ZNF844: variants seen among roughly 807,000 people sequenced by gnomAD.
ZNF844 encodes zinc finger protein 844.
ZNF844 carries 11 observed loss-of-function variants against 11.4 expected under a neutral mutation model. That is an observed-to-expected ratio of 0.97 (90% CI 0.61 to 1.60). The LOEUF (loss-of-function observed/expected upper bound fraction) is 1.60, where lower values mean the gene tolerates loss of function less well. Ranked by LOEUF, ZNF844 falls within the 40% of genes most tolerant of loss-of-function variation. ZNF844 has a pLI of 0.00. For synonymous variants in ZNF844, 248 were observed against 260.3 expected, an observed-to-expected ratio of 0.95 and a Z score of 0.46; for missense variants, 790 against 796.8, an observed-to-expected ratio of 0.99 and a Z score of 0.10.
rs932008069 is a variant in ZNF844 at position 12,075,540 on chromosome 19, A to T, written c.420A>T (p.Pro140=). 6.2e-7 allele frequency: 1 copy of T among 1,614,108 alleles called. No homozygotes were observed. The highest frequency in any genetic ancestry group is 8.5e-7 in the Non-Finnish European group (1 of 1,180,008). Residue 140 remains proline (P), a synonymous_variant, in exon 4 of 4, where the codon CCA becomes CCT. Transcript: ENST00000439326. ...PSEYQEYGQE[P]YKCQQRKKAF... Reference sequence around the variant, plus strand: ...AGTATCAGGAATATGGACAGGAGCCATATAAGTGTCAACAACGTAAGAAAG... The same window carrying T: ...AGTATCAGGAATATGGACAGGAGCCTTATAAGTGTCAACAACGTAAGAAAG...
chr19:12,072,670 G>A lies in ZNF844; in HGVS notation c.4-1361G>A, dbSNP rs562754918. Among the ~76,000 whole-genome samples, 8 of 151,830 alleles carry A rather than the reference G, an allele frequency of 5.3e-5. No homozygotes were observed. The South Asian group carries it at 8.3e-4, about 16-fold the overall frequency. On this transcript the variant is annotated intron_variant, in intron 1 of 3. Transcript: ENST00000439326. ...GCGATCTACGCTCACTGCAACCTCC[G>A]CCTCCCAGCTTCAAGCAATTCTCTG...
chr19:12,070,421 G>A (rs1975743103), intron 1 of ZNF844: 2 of 152,216 alleles, frequency 1.3e-5, no homozygotes. Flanking sequence ...CATTACTGCA[G>A]GAGGTGAACT....
rs556385379 is a variant in ZNF844 at position 12,073,982 on chromosome 19, A to C, written c.4-49A>C. On this transcript the variant is annotated intron_variant, in intron 1 of 3. Coordinates refer to ENST00000439326, the MANE Select transcript of ZNF844 (RefSeq NM_001136501.3). ...TCTTAGGAAGAGGGTATAGACCCCC[A>C]GTGCTGTCAGTCTCACCCATCCTCC... The C allele has an allele frequency of 5.7e-6, 9 of 1,586,180 alleles. No homozygotes were observed. The South Asian group carries it at 1.0e-4, about 18-fold the overall frequency.
In ZNF844 at chr19:12,074,171, T is replaced by C; in HGVS notation, c.130+14T>C. The C allele has an allele frequency of 6.2e-7, 1 of 1,612,874 alleles. No homozygotes were observed. Among genetic ancestry groups the C allele is most frequent in the Non-Finnish European group, 8.5e-7 (1 of 1,179,488 alleles). On this transcript the variant is annotated intron_variant, in intron 2 of 3. Transcript: ENST00000439326. Reference sequence around the variant, plus strand: ...TGGCCTCCATAGGTAAGAATGACAGTATTACGTCCCCCAGTGAATGAGACA... The same window carrying C: ...TGGCCTCCATAGGTAAGAATGACAGCATTACGTCCCCCAGTGAATGAGACA...
intron 1 of ZNF844, among the ~76,000 whole-genome samples, chr19:12,073,317 G>T (rs958910455): frequency 6.6e-6 from 1 of 151,910 alleles, no homozygotes; most frequent in South Asian, 2.1e-4. Flanking sequence ...ACACCACCAC[G>T]CCCAGCTAAT....
At chr19:12,071,941 G>A (rs1975757846) in intron 1 of ZNF844, among the ~76,000 whole-genome samples, 1 of 149,252 alleles carries the variant, frequency 6.7e-6, no homozygotes, top group African/African-American at 2.5e-5. Flanking sequence ...AGCCTGGAGT[G>A]CAGTGGCATG....
At chr19:12,070,198 T>A (rs1975740500) in intron 1 of ZNF844, 1 of 150,710 alleles carries the variant, frequency 6.6e-6, no homozygotes, top group African/African-American at 2.4e-5. Flanking sequence ...ACATCTATTC[T>A]CTGTAGCTAA....
At position 12,076,113 on chromosome 19, in the gene ZNF844, C is replaced by G. The variant is rs1228890047; in HGVS notation, c.993C>G (p.His331Gln). 1 of 1,568,944 alleles carries G rather than the reference C, an allele frequency of 6.4e-7. No individual in the cohort carries two copies. The highest frequency in any genetic ancestry group is 8.7e-7 in the Non-Finnish European group (1 of 1,155,974). Residue 331 changes from histidine to glutamine, a missense_variant, in exon 4 of 4, where the codon CAC becomes CAG. His to Gln is a conservative substitution (Grantham distance 24, BLOSUM62 0). Around this residue, in one of 3 missense-constraint regions of ZNF844, gnomAD observed 657 missense variants for 636.2 expected, o/e 1.03. Transcript: ENST00000439326. ...ATCTTTGTAGACATGAAGTGACCCA[C>G]TCTGGGAAAAAGCCCTGTGAATGTA... ...PSYLCRHEVT[H>Q]SGKKPCECKQ... is the part of the protein sequence containing the mutation.
In ZNF844 at chr19:12,076,643, A is replaced by T. The variant is rs751784757; in HGVS notation, c.1523A>T (p.Asn508Ile). ...TLERNPMSVSNVGKPSHLPHT... is the reference protein window; with the variant it reads ...TLERNPMSVSIVGKPSHLPHT... ...GAGAGAAACCCTATGAGTGTAAGCAATGTGGGAAAGCCTTCACATCTGCCT... is the reference window on the plus strand; with the variant it reads ...GAGAGAAACCCTATGAGTGTAAGCATTGTGGGAAAGCCTTCACATCTGCCT... Residue 508 changes from asparagine (N) to isoleucine (I), a missense_variant, in exon 4 of 4, where the codon AAT (asparagine) becomes ATT (isoleucine). Physicochemically the swap from Asn to Ile is moderately radical, Grantham distance 149. Coordinates refer to ENST00000439326, the MANE Select transcript of ZNF844 (RefSeq NM_001136501.3). 4.3e-6 allele frequency: 7 copies of T among 1,613,304 alleles called. No homozygotes were observed. The highest frequency in any genetic ancestry group is 1.3e-5 in the African/African-American group (1 of 74,690).
At chr19:12,069,952 T>TC (rs1555718018) in intron 1 of ZNF844, among the ~76,000 whole-genome samples, 1 of 89,280 alleles carries the variant, frequency 1.1e-5, no homozygotes. Context: ...AGACTCCGTC[T>TC]CAAAAAAAAA....
intron 1 of ZNF844, among the ~76,000 whole-genome samples, chr19:12,068,428 C>T (rs1233865506): frequency 1.3e-5 from 2 of 152,108 alleles, no homozygotes. Context: ...GAGTTCGAGA[C>T]CAGCCTGACC....
At chr19:12,066,451 C>A in intron 1 of ZNF844, among the ~76,000 whole-genome samples, 1 of 150,820 alleles carries the variant, frequency 6.6e-6, no homozygotes, top group African/African-American at 2.4e-5. Context: ...CCCGCCCCGA[C>A]TCATGGTTTT....
Position 12,080,790 on chromosome 19 carries a change from G to C in ZNF844, c.*3669G>C, listed in dbSNP as rs1177816660. On this transcript the variant is annotated 3_prime_UTR_variant, in exon 4 of 4. Coordinates refer to ENST00000439326, the MANE Select transcript of ZNF844 (RefSeq NM_001136501.3). ...TTTTTTTGAGACAAGGTCTCTCTCT[G>C]TCACCCAGGCTGGAGTAGAGTGGCA... 3 of 152,314 alleles carry C rather than the reference G, an allele frequency of 2.0e-5. No individual in the cohort carries two copies. Among genetic ancestry groups the C allele is most frequent in the Non-Finnish European group, 4.4e-5 (3 of 68,222 alleles). The allele number at this position is 152,314 out of a possible 1,614,324, so 9.4% of individuals were successfully genotyped here.
chr19:12,067,223 G>T (rs920653231), intron 1 of ZNF844, among the ~76,000 whole-genome samples: 2 of 151,518 alleles, frequency 1.3e-5, no homozygotes, highest in Admixed American at 6.6e-5. Context: ...ATAATAATGA[G>T]ATTTCCCTGG....
chr19:12,064,770 T>A lies in ZNF844; in HGVS notation c.-104T>A. ...CCCGCCGGGTGAGGTTGGCACCCCG[T>A]TTTTCCTGCTCTGAGAGGGACCGGT... On this transcript the variant is annotated 5_prime_UTR_variant, in exon 1 of 4. Coordinates refer to ENST00000439326, the MANE Select transcript of ZNF844 (RefSeq NM_001136501.3). 2.2e-6 allele frequency: 3 copies of A among 1,340,076 alleles called. No individual in the cohort carries two copies. The South Asian group carries it at 4.1e-5, about 18-fold the overall frequency. 83.0% of individuals were successfully genotyped at this position (1,340,076 alleles called of 1,614,324 possible). A position where few individuals can be genotyped will look rare whatever the true frequency, so the allele number is the denominator to read the frequency against.
Position 12,076,720 on chromosome 19 carries a change from C to T in ZNF844, c.1600C>T (p.Leu534=), listed in dbSNP as rs752872230. Residue 534 remains leucine, a synonymous_variant, in exon 4 of 4, where the codon CTA becomes TTA. Transcript: ENST00000439326. ...GLTLESNCMN[L]NNVKKPLDLS... The stretch of plus-strand genomic sequence containing the variant: ...CACACTGGAAAGCAACTGTATGAAT[C>T]TAAACAATGTGAAAAAACCTTTGGA... 8 of 1,611,968 alleles carry T rather than the reference C, an allele frequency of 5.0e-6. No individual in the cohort carries two copies. The South Asian group carries it at 7.7e-5, about 16-fold the overall frequency.
In ZNF844 at chr19:12,077,348, C is replaced by A; in HGVS notation, c.*227C>A. ...TTATTTCTTTCAGTTCCATTCAGTA[C>A]CATGAAAGGACTCACACTGGAGAGA... On this transcript the variant is annotated 3_prime_UTR_variant, in exon 4 of 4. Coordinates refer to ENST00000439326, the MANE Select transcript of ZNF844 (RefSeq NM_001136501.3). The A allele has an allele frequency of 1.3e-6, 1 of 799,634 alleles. No individual in the cohort carries two copies. The highest frequency in any genetic ancestry group is 2.1e-6 in the Non-Finnish European group (1 of 465,574). The allele number at this position is 799,634 out of a possible 1,614,324, so 49.5% of individuals were successfully genotyped here.
rs372329651 is a variant in ZNF844, at chr19:12,074,347, A to T, written c.131-14A>T. 1.3e-6 allele frequency: 2 copies of T among 1,519,112 alleles called. No individual in the cohort carries two copies. Among genetic ancestry groups the T allele is most frequent in the African/African-American group, 1.4e-5 (1 of 71,184 alleles). The allele number at this position is 1,519,112 out of a possible 1,614,324, so 94.1% of individuals were successfully genotyped here. A position where few individuals can be genotyped will look rare whatever the true frequency, so the allele number is the denominator to read the frequency against. ...ATTTTAATTCAGGATTCTTTTTCTG[A>T]TTCTGTATTTTAGGAGAAAAATGGA... On this transcript the variant is annotated splice_polypyrimidine_tract_variant and intron_variant, in intron 2 of 3. Coordinates refer to ENST00000439326, the MANE Select transcript of ZNF844 (RefSeq NM_001136501.3).
At chr19:12,069,179 C>CT (rs748342323) in intron 1 of ZNF844, among the ~76,000 whole-genome samples, 14,487 of 120,570 alleles carry the variant, frequency 0.12, 1,934 homozygotes, top group African/African-American at 0.27. Flanking sequence ...TCTTTTATTC[C>CT]TTTTTTTTTT....
Sources: gnomAD v4.1 joint callset for allele counts (sites outside exome capture counted in the v4.1 genomes callset) on GRCh38, gnomAD v4.1.1 for gene constraint, gnomAD v4.1.1 regional missense constraint, MANE v1.5 for transcripts, NCBI Gene and HGNC (gene_info 2026-07-23, HGNC 2026-07-21) for gene names.